Variants in NIPBL observed in about 807,000 individuals in gnomAD.
NIPBL encodes the protein NIPBL cohesin loading factor.
A neutral mutation model predicts 321.8 loss-of-function variants in NIPBL; 19 were observed. That is an observed-to-expected ratio of 0.06 (90% CI 0.04 to 0.09). NIPBL has a LOEUF of 0.09. Ranked by LOEUF, NIPBL falls within the 10% of genes least tolerant of loss-of-function variation. The pLI is 1.00. For synonymous variants in NIPBL, 1,106 were observed against 1,114.1 expected (o/e 0.99, Z 0.14); for missense variants, 2,210 against 3,327.0 (o/e 0.66, Z 8.26).
At chr5:36,945,442 C>G (rs1482727125) in intron 1 of NIPBL, among the ~76,000 whole-genome samples, 1 of 152,150 alleles carries the variant, frequency 6.6e-6, no homozygotes, top group Non-Finnish European at 1.5e-5. Flanking sequence ...CCCTAAATCT[C>G]AACTTTATTT....
chr5:36,971,964 T>C lies in NIPBL; in HGVS notation c.791T>C (p.Met264Thr). 1 of 1,613,078 alleles carries C rather than the reference T, an allele frequency of 6.2e-7. No homozygotes were observed. The highest frequency in any genetic ancestry group is 8.5e-7 in the Non-Finnish European group (1 of 1,179,292). Residue 264 changes from methionine (M) to threonine (T), a missense_variant, in exon 8 of 47, where the codon ATG becomes ACG. Met to Thr is a moderately conservative substitution (Grantham distance 81). Around this residue, in one of 14 missense-constraint regions of NIPBL, gnomAD observed 464 missense variants for 529.5 expected, o/e 0.88. Transcript: ENST00000282516. ...TTTTAGGATGGAGATTCTTCAACAA[T>C]GAGGAATGCTGCATCTTTTCCCTTG... ...LSSDDGDSSTMRNAASFPLRS... is the reference protein window; with the variant it reads ...LSSDDGDSSTTRNAASFPLRS...
intron 1 of NIPBL, among the ~76,000 whole-genome samples, chr5:36,879,495 T>A (rs995293854): frequency 6.6e-6 from 1 of 152,190 alleles, no homozygotes; most frequent in Non-Finnish European, 1.5e-5. Flanking sequence ...GAGAAAACAT[T>A]GTGTAAAATT....
intron 10 of NIPBL, among the ~76,000 whole-genome samples, chr5:36,988,220 G>T (rs2149650231): frequency 6.6e-6 from 1 of 152,194 alleles, no homozygotes; most frequent in South Asian, 2.1e-4. Flanking sequence ...TATGTTTTTA[G>T]CACCAAAATG....
At chr5:37,020,407 G>A in intron 25 of NIPBL, 52 bp from the exon 26 acceptor site, 1 of 1,266,340 alleles carries the variant, frequency 7.9e-7, no homozygotes, top group South Asian at 1.2e-5. Flanking sequence ...TATTAACTTG[G>A]AAATCTTGTT....
At chr5:37,005,008 G>A (rs752860404) in intron 16 of NIPBL, among the ~76,000 whole-genome samples, 1 of 152,138 alleles carries the variant, frequency 6.6e-6, no homozygotes, top group South Asian at 2.1e-4. Flanking sequence ...GGCCCGTGTG[G>A]CCCAGGACAG....
chr5:37,045,789 G>T (rs1208757208), intron 37 of NIPBL, among the ~76,000 whole-genome samples, 192 bp downstream of exon 37: 1 of 152,154 alleles, frequency 6.6e-6, no homozygotes, highest in Non-Finnish European at 1.5e-5. Context: ...TTACTGGTGT[G>T]TAACCAGATA....
At chr5:36,877,964 A>G (rs1745220837) in intron 1 of NIPBL, among the ~76,000 whole-genome samples, 1 of 152,202 alleles carries the variant, frequency 6.6e-6, no homozygotes, top group African/African-American at 2.4e-5. Flanking sequence ...AAAGTACTTG[A>G]CAGGTTTACT....
chr5:37,024,560 CTT>C, intron 29 of NIPBL, 23 bp from the exon 30 acceptor site: 1 of 1,589,004 alleles, frequency 6.3e-7, no homozygotes, highest in South Asian at 1.1e-5. Context: ...TTTTCTGACT[CTT>C]AAAAATACCT....
At chr5:37,042,899 GCACACACACA>G (rs70976273) in intron 34 of NIPBL, among the ~76,000 whole-genome samples, 22 of 144,898 alleles carry the variant, frequency 1.5e-4, no homozygotes, top group Middle Eastern at 3.6e-3. Context: ...ACACACGCGC[GCACACACACA>G]CACACACACA....
At chr5:36,932,368 G>A (rs915704146) in intron 1 of NIPBL, among the ~76,000 whole-genome samples, 8 of 152,074 alleles carry the variant, frequency 5.3e-5, no homozygotes, top group Admixed American at 6.6e-5. Context: ...TGGCAACTTC[G>A]TTGTTAGGTA....
intron 1 of NIPBL, among the ~76,000 whole-genome samples, chr5:36,884,126 T>C (rs1745707711): frequency 6.6e-6 from 1 of 152,114 alleles, no homozygotes; most frequent in Non-Finnish European, 1.5e-5. Flanking sequence ...TTAACTCTAC[T>C]AATCTTTTTA....
intron 1 of NIPBL, among the ~76,000 whole-genome samples, chr5:36,889,505 G>C (rs186514178): frequency 1.3e-5 from 2 of 152,168 alleles, no homozygotes; most frequent in African/African-American, 4.8e-5. Context: ...GTATATGTCA[G>C]GGTGCCACTG....
intron 10 of NIPBL, among the ~76,000 whole-genome samples, chr5:36,988,269 C>T (rs1057365751): frequency 2.0e-5 from 3 of 151,898 alleles, no homozygotes; most frequent in Admixed American, 6.6e-5. Flanking sequence ...ATGTATATAC[C>T]TGATATGGTC....
intron 9 of NIPBL, among the ~76,000 whole-genome samples, 200 bp downstream of exon 9, chr5:36,976,602 G>T (rs1743485210): frequency 6.6e-6 from 1 of 152,026 alleles, no homozygotes; most frequent in South Asian, 2.1e-4. Flanking sequence ...AACTATATGA[G>T]ATTTGGTAAT....
At chr5:36,978,989 A>G (rs1480846693) in intron 9 of NIPBL, among the ~76,000 whole-genome samples, 1 of 151,888 alleles carries the variant, frequency 6.6e-6, no homozygotes, top group Non-Finnish European at 1.5e-5. Context: ...TGCTTACTCT[A>G]GTCTTGCAGT....
At chr5:36,888,624 A>G (rs1746093376) in intron 1 of NIPBL, among the ~76,000 whole-genome samples, 1 of 152,122 alleles carries the variant, frequency 6.6e-6, no homozygotes, top group Non-Finnish European at 1.5e-5. Context: ...CTAAGCATGC[A>G]CATATTTTTA....
Position 37,044,713 on chromosome 5 carries a change from T to C in NIPBL, c.6327T>C (p.Cys2109=). Residue 2109 remains cysteine, a synonymous_variant, in exon 36 of 47, where the codon TGT becomes TGC. Coordinates refer to ENST00000282516, the MANE Select transcript of NIPBL (RefSeq NM_133433.4). ...AAAATTTTAAATTTGTGTGGGCTTG[T>C]TTCAATAGATACTATGGTAAGTTCA... is the stretch of plus-strand genomic sequence containing the variant. ...VTQNFKFVWA[C]FNRYYGAISK... 1 of 1,611,768 alleles carries C rather than the reference T, an allele frequency of 6.2e-7. No homozygotes were observed. Among genetic ancestry groups the C allele is most frequent in the Non-Finnish European group, 8.5e-7 (1 of 1,177,926 alleles).
chr5:36,936,590 C>G (rs1009736338), intron 1 of NIPBL, among the ~76,000 whole-genome samples: 6 of 152,082 alleles, frequency 3.9e-5, no homozygotes, highest in Non-Finnish European at 8.8e-5. Context: ...TTATGTGACC[C>G]ATAACTGTGT....
intron 9 of NIPBL, among the ~76,000 whole-genome samples, chr5:36,980,651 T>C (rs1744035095): frequency 6.6e-6 from 1 of 151,648 alleles, no homozygotes. Flanking sequence ...CCATATAGCC[T>C]AGGTACATAG....
Sources: allele counts gnomAD v4.1 joint callset (sites outside exome capture counted in the v4.1 genomes callset), GRCh38; gene constraint gnomAD v4.1.1; regional missense constraint gnomAD v4.1.1; transcripts MANE v1.5; gene names NCBI Gene and HGNC (gene_info 2026-07-23, HGNC 2026-07-21).